Variants in FBXL13 observed in about 807,000 individuals in gnomAD.
The protein encoded by FBXL13 is F-box and leucine-rich repeat protein 13.
In FBXL13, 67 loss-of-function variants were observed where a neutral mutation model predicts 83.6. The ratio of observed to expected loss-of-function variants is 0.80; its 90% CI spans 0.66 to 0.98. The LOEUF (loss-of-function observed/expected upper bound fraction) is 0.98. FBXL13 is among the 50% of genes least tolerant of loss of function. The pLI, the probability that FBXL13 is intolerant of heterozygous loss-of-function variation, is 0.00. For missense variants in FBXL13, 822 were observed against 866.5 expected (o/e 0.95, Z 0.64); for synonymous variants, 272 against 299.5 (o/e 0.91, Z 0.95).
intron 11 of FBXL13, among the ~76,000 whole-genome samples, chr7:102,891,476 G>C (rs1811527033): frequency 6.6e-6 from 1 of 152,178 alleles, no homozygotes; most frequent in African/African-American, 2.4e-5. Flanking sequence ...CAGCATCTTA[G>C]CCATAACTGT....
rs11979627 is a variant in FBXL13 at position 102,897,400 on chromosome 7, G to A, written c.1009-13088C>T. On this transcript the variant is annotated intron_variant, in intron 11 of 19. Transcript: ENST00000313221. ...AAGAGAAAAATAAAATCTATAGCAC[G>A]ATATAATTTATGAGAACACAAGAAT... 7.0e-3 allele frequency among the ~76,000 whole-genome samples: 1,057 copies of A among 152,066 alleles called. 6 individuals are homozygous for A. Among genetic ancestry groups the A allele is most frequent in the African/African-American group, 0.024 (989 of 41,484 alleles).
At chr7:102,821,955 T>A (rs1798859003) in intron 19 of FBXL13, 85 bp downstream of exon 20, 1 of 1,347,930 alleles carries the variant, frequency 7.4e-7, no homozygotes, top group Non-Finnish European at 1.0e-6. Context: ...TGAAAGCTGC[T>A]ATGTATTATG....
chr7:102,939,596 C>T, intron 8 of FBXL13: 1 of 1,596,986 alleles, frequency 6.3e-7, no homozygotes, highest in Non-Finnish European at 8.5e-7. Context: ...GTAAGTTCCC[C>T]TGTATAGCCC....
chr7:103,015,077 C>A (rs1432118503), intron 6 of FBXL13, among the ~76,000 whole-genome samples: 2 of 151,934 alleles, frequency 1.3e-5, no homozygotes, highest in Non-Finnish European at 2.9e-5. Context: ...ACCACAAAAA[C>A]AGAACTAAAA....
chr7:102,916,135 C>G (rs1482429779), intron 10 of FBXL13, among the ~76,000 whole-genome samples: 4 of 152,114 alleles, frequency 2.6e-5, no homozygotes, highest in Non-Finnish European at 4.4e-5. Flanking sequence ...AGGCACCCAC[C>G]ACGACGCCTG....
intron 17 of FBXL13, among the ~76,000 whole-genome samples, chr7:102,848,376 G>A (rs1804491520): frequency 1.6e-5 from 1 of 61,378 alleles, no homozygotes; most frequent in Non-Finnish European, 2.9e-5. Context: ...CTAACACGGT[G>A]AAACCCCGTC....
chr7:102,840,236 T>C (rs1802683718), intron 17 of FBXL13, among the ~76,000 whole-genome samples: 1 of 152,250 alleles, frequency 6.6e-6, no homozygotes, highest in Non-Finnish European at 1.5e-5. Context: ...CTAGAATTTA[T>C]TGAGAAAAAT....
At chr7:102,940,931 G>A (rs1821305958) in intron 8 of FBXL13, among the ~76,000 whole-genome samples, 1 of 152,124 alleles carries the variant, frequency 6.6e-6, no homozygotes, top group African/African-American at 2.4e-5. Context: ...AACATTTTGA[G>A]TACAACTGTT....
chr7:103,041,121 C>A (rs1183032311), intron 2 of FBXL13, among the ~76,000 whole-genome samples: 1 of 151,916 alleles, frequency 6.6e-6, no homozygotes. Flanking sequence ...CAAATAGATA[C>A]AATAAAAAAT....
intron 8 of FBXL13, among the ~76,000 whole-genome samples, chr7:102,946,191 A>AG (rs1196534483): frequency 6.6e-6 from 1 of 152,206 alleles, no homozygotes; most frequent in East Asian, 1.9e-4. Context: ...GCACTTTTAA[A>AG]GCACATGCTA....
chr7:103,003,941 T>C (rs1337723848), intron 6 of FBXL13, among the ~76,000 whole-genome samples: 1 of 152,220 alleles, frequency 6.6e-6, no homozygotes, highest in Non-Finnish European at 1.5e-5. Flanking sequence ...CTCTGATAAA[T>C]TTATAAATTG....
intron 18 of FBXL13, among the ~76,000 whole-genome samples, chr7:102,830,278 C>T (rs1312306268): frequency 6.6e-6 from 1 of 152,206 alleles, no homozygotes; most frequent in Non-Finnish European, 1.5e-5. Flanking sequence ...TTTCTTTTCT[C>T]ATTCTCCTAC....
intron 8 of FBXL13, among the ~76,000 whole-genome samples, chr7:102,938,893 C>G (rs77294381): frequency 0.011 from 1,725 of 152,310 alleles, 34 homozygotes; most frequent in African/African-American, 0.04. Context: ...CCCAGGACTG[C>G]TGCTGACAAT....
intron 8 of FBXL13, chr7:102,939,563 T>C (rs1820991587): frequency 3.1e-6 from 5 of 1,613,700 alleles, no homozygotes; most frequent in Non-Finnish European, 4.2e-6. Context: ...TCAGCAGCAA[T>C]GGCATTGAAT....
chr7:102,962,874 C>T (rs1267563598), intron 8 of FBXL13, among the ~76,000 whole-genome samples: 1 of 151,274 alleles, frequency 6.6e-6, no homozygotes, highest in Non-Finnish European at 1.5e-5. Context: ...GGAGACATAC[C>T]TAATGCTAGA....
intron 6 of FBXL13, among the ~76,000 whole-genome samples, chr7:103,012,073 T>C (rs1340827788): frequency 6.6e-6 from 1 of 151,574 alleles, no homozygotes; most frequent in East Asian, 1.9e-4. Flanking sequence ...AAGGTCAAAA[T>C]GAAAGAAAAA....
chr7:102,928,599 C>T (rs1430180228), intron 9 of FBXL13, among the ~76,000 whole-genome samples: 1 of 152,198 alleles, frequency 6.6e-6, no homozygotes, highest in Non-Finnish European at 1.5e-5. Flanking sequence ...TTTGACTTCC[C>T]TATTAGAGGG....
In FBXL13 at chr7:103,001,670, T is replaced by G. The variant is rs141707071; in HGVS notation, c.495+23393A>C. On this transcript the variant is annotated intron_variant, in intron 6 of 19. Coordinates refer to ENST00000313221, the Ensembl canonical transcript of FBXL13. ...AAATTTGTTTGCTGCATCTTGTGGT[T>G]CTCTTTCTTCTTCCCTGCTGGACAC... Among the ~76,000 whole-genome samples the G allele has an allele frequency of 4.1e-3, 627 of 152,280 alleles. 5 individuals carry two copies. Among genetic ancestry groups the G allele is most frequent in the African/African-American group, 0.014 (600 of 41,550 alleles).
intron 19 of FBXL13, 33 bp from the exon 21 acceptor site, chr7:102,813,564 C>T (rs1283385553): frequency 6.3e-7 from 1 of 1,595,964 alleles, no homozygotes; most frequent in African/African-American, 1.3e-5. Context: ...TAGCTAGTTG[C>T]AGAAGTAACC....
Sources: allele counts gnomAD v4.1 joint callset (sites outside exome capture counted in the v4.1 genomes callset), GRCh38; gene constraint gnomAD v4.1.1; transcripts MANE v1.5; gene names NCBI Gene and HGNC (gene_info 2026-07-23, HGNC 2026-07-21).